The following ZFAND3 variants were observed in gnomAD, a reference collection of about 807,000 sequenced individuals.
ZFAND3 encodes AN1-type zinc finger protein 3.
Under a neutral mutation model 29.6 loss-of-function variants are expected in ZFAND3, and 10 were observed. That is an observed-to-expected ratio of 0.34 (90% CI 0.21 to 0.57). The LOEUF is 0.57. ZFAND3 is among the 20% of genes least tolerant of loss of function. The pLI, the probability that ZFAND3 is intolerant of heterozygous loss-of-function variation, is 0.86. For synonymous variants in ZFAND3, 128 were observed against 112.6 expected (o/e 1.14, Z -0.87); for missense variants, 230 against 304.5 (o/e 0.76, Z 1.82).
chr6:38,130,242 A>T (rs540659880), intron 5 of ZFAND3, among the ~76,000 whole-genome samples: 1 of 152,204 alleles, frequency 6.6e-6, no homozygotes, highest in Non-Finnish European at 1.5e-5. Context: ...GTGAACGATC[A>T]TATCATCCAT....
intron 3 of ZFAND3, chr6:38,062,627 C>T (rs1372199442): frequency 6.6e-6 from 1 of 152,202 alleles, no homozygotes; most frequent in Non-Finnish European, 1.5e-5. Context: ...CCACCTTGGT[C>T]TCCCAAAGTA....
intron 2 of ZFAND3, among the ~76,000 whole-genome samples, chr6:37,985,503 A>ACCCC (rs754725202): frequency 3.0e-5 from 4 of 131,588 alleles, no homozygotes; most frequent in South Asian, 4.7e-4. Flanking sequence ...GTGGTTCCAC[A>ACCCC]CACACACACA....
chr6:37,974,667 A>AT (rs1243548074), intron 2 of ZFAND3, among the ~76,000 whole-genome samples: 1 of 152,142 alleles, frequency 6.6e-6, no homozygotes, highest in African/African-American at 2.4e-5. Flanking sequence ...AAGTGCTGGA[A>AT]TTATAGGTGT....
intron 2 of ZFAND3, among the ~76,000 whole-genome samples, chr6:37,944,393 A>T (rs1324639326): frequency 6.6e-6 from 1 of 152,212 alleles, no homozygotes; most frequent in Non-Finnish European, 1.5e-5. Flanking sequence ...GTGGAAATGG[A>T]TCTTTTTTAT....
At chr6:37,841,826 C>A in intron 1 of ZFAND3, among the ~76,000 whole-genome samples, 1 of 152,156 alleles carries the variant, frequency 6.6e-6, no homozygotes, top group Non-Finnish European at 1.5e-5. Context: ...GTGAAAAATA[C>A]ATCTCTCAAG....
chr6:37,969,996 G>T (rs1762358424), intron 2 of ZFAND3, among the ~76,000 whole-genome samples: 1 of 152,016 alleles, frequency 6.6e-6, no homozygotes, highest in Non-Finnish European at 1.5e-5. Flanking sequence ...TGAAAACCCT[G>T]TCTCTACAAA....
intron 2 of ZFAND3, among the ~76,000 whole-genome samples, chr6:37,968,755 C>T (rs1762334986): frequency 6.6e-6 from 1 of 152,158 alleles, no homozygotes; most frequent in Non-Finnish European, 1.5e-5. Context: ...GTGTTAAACT[C>T]CTGGTCTCAA....
chr6:38,104,281 G>A lies in ZFAND3; in HGVS notation c.362-12291G>A, dbSNP rs188969753. ...TGTGCCTTTTTGGTAAAGAGACCTC[G>A]CGTATGAGCTGTAGGACACTCTCGG... is the stretch of plus-strand genomic sequence containing the variant. On this transcript the variant is annotated intron_variant, in intron 4 of 5. Coordinates refer to ENST00000287218, the MANE Select transcript of ZFAND3 (RefSeq NM_021943.3). 3.2e-4 allele frequency among the ~76,000 whole-genome samples: 49 copies of A among 152,070 alleles called. 1 individual carries two copies. Among genetic ancestry groups the A allele is most frequent in the African/African-American group, 1.1e-3 (45 of 41,426 alleles).
intron 1 of ZFAND3, among the ~76,000 whole-genome samples, chr6:37,873,580 A>G (rs79946740): frequency 0.067 from 10,202 of 152,300 alleles, 411 homozygotes; most frequent in Non-Finnish European, 0.085. Flanking sequence ...TGGTCCAGGG[A>G]TATGTAAATT....
At chr6:37,875,913 T>A (rs538809701) in intron 1 of ZFAND3, among the ~76,000 whole-genome samples, 158 of 152,192 alleles carry the variant, frequency 1.0e-3, no homozygotes, top group African/African-American at 2.6e-3. Context: ...TCAAGTGATT[T>A]TCTCTCCTTG....
intron 2 of ZFAND3, among the ~76,000 whole-genome samples, chr6:37,958,016 T>C (rs1393238049): frequency 1.3e-5 from 2 of 152,162 alleles, no homozygotes; most frequent in Admixed American, 1.3e-4. Flanking sequence ...AAAGGTAAAT[T>C]TGGATTTTTT....
At chr6:37,852,707 TTTTTC>T (rs1317515353) in intron 1 of ZFAND3, among the ~76,000 whole-genome samples, 1 of 151,296 alleles carries the variant, frequency 6.6e-6, no homozygotes, top group Non-Finnish European at 1.5e-5. Context: ...GTGTATTTCC[TTTTTC>T]TTTTCTTTTT....
Position 38,041,650 on chromosome 6 carries a change from T to C in ZFAND3, c.113-19943T>C, listed in dbSNP as rs867832747. Among the ~76,000 whole-genome samples, 97 of 21,362 alleles carry C rather than the reference T, an allele frequency of 4.5e-3. 1 individual carries two copies. The highest frequency in any genetic ancestry group is 0.016 in the African/African-American group (86 of 5,546). The allele number at this position is 21,362 out of a possible 152,430, so 14.0% of individuals were successfully genotyped here. ...CTACTTTTTCTTCTTCTTCTTCTTC[T>C]TCTTCTTCTTCTTCTTCTTCTTCTT... On this transcript the variant is annotated intron_variant, in intron 2 of 5. Coordinates refer to ENST00000287218, the MANE Select transcript of ZFAND3 (RefSeq NM_021943.3).
chr6:37,964,002 A>G lies in ZFAND3; in HGVS notation c.112+34003A>G, dbSNP rs544877036. On this transcript the variant is annotated intron_variant, in intron 2 of 5. Transcript: ENST00000287218. ...TGTTTTTGGCTTGGGCTAGTGTTCC[A>G]TATATTATAATCCTTTCCATATTTT... 6.6e-5 allele frequency among the ~76,000 whole-genome samples: 10 copies of G among 152,300 alleles called. No individual in the cohort carries two copies. The South Asian group carries it at 1.7e-3, about 25-fold the overall frequency.
At chr6:37,851,079 G>A (rs1208364486) in intron 1 of ZFAND3, among the ~76,000 whole-genome samples, 3 of 147,040 alleles carry the variant, frequency 2.0e-5, no homozygotes, top group African/African-American at 5.0e-5. Context: ...ACAGTGTCTC[G>A]CACTGTCACC....
chr6:37,986,669 C>T (rs1762676170), intron 2 of ZFAND3, among the ~76,000 whole-genome samples: 1 of 152,076 alleles, frequency 6.6e-6, no homozygotes, highest in Non-Finnish European at 1.5e-5. Flanking sequence ...TTCGCATTTT[C>T]GCAGTTCATT....
intron 2 of ZFAND3, among the ~76,000 whole-genome samples, chr6:37,983,343 C>CTTTTTTTTTTTTTTATTTTTTTT (rs1762611746): frequency 2.0e-5 from 1 of 50,040 alleles, no homozygotes; most frequent in Non-Finnish European, 3.4e-5. Context: ...CAGTTTTTAT[C>CTTTTTTTTTTTTTTATTTTTTTT]TTTTTTTTTT....
intron 4 of ZFAND3, among the ~76,000 whole-genome samples, chr6:38,105,924 T>C (rs1581922164): frequency 6.6e-6 from 1 of 152,122 alleles, no homozygotes; most frequent in Non-Finnish European, 1.5e-5. Flanking sequence ...AAAACTGAGC[T>C]GACCATTGAC....
chr6:37,860,191 T>C (rs1177938956), intron 1 of ZFAND3, among the ~76,000 whole-genome samples: 2 of 150,962 alleles, frequency 1.3e-5, no homozygotes, highest in Non-Finnish European at 3.0e-5. Flanking sequence ...TTTTTTTTTT[T>C]TTTTTGGAAT....
Sources: gnomAD v4.1 joint callset for allele counts (sites outside exome capture counted in the v4.1 genomes callset) on GRCh38, gnomAD v4.1.1 for gene constraint, MANE v1.5 for transcripts, NCBI Gene and HGNC (gene_info 2026-07-23, HGNC 2026-07-21) for gene names.